RBM43: variants seen among roughly 807,000 people sequenced by gnomAD.
RBM43 encodes the protein RNA-binding protein 43.
Under a neutral mutation model 12.4 loss-of-function variants are expected in RBM43, and 12 were observed. The observed-to-expected ratio is 0.97, with a 90% CI of 0.62 to 1.57. The LOEUF (loss-of-function observed/expected upper bound fraction) is 1.57. Among genes scored for constraint, RBM43 ranks in the 40% most tolerant of loss-of-function variants. The pLI is 0.00. For synonymous variants in RBM43, 138 were observed against 145.7 expected (o/e 0.95, Z 0.38); for missense variants, 348 against 400.1 (o/e 0.87, Z 1.11).
intron 1 of RBM43, 146 bp downstream of exon 1, chr2:151,261,579 G>A (rs1683047569): frequency 6.5e-7 from 1 of 1,539,426 alleles, no homozygotes; most frequent in African/African-American, 1.4e-5. Context: ...GGCCCCCGGG[G>A]TCCCTGGGGC....
In RBM43 at chr2:151,250,624, G is replaced by T. The variant is rs1682886245; in HGVS notation, c.*282C>A. ...AAAAAAAAAAAAAAAAAAGTTTGGTGAGTTTTTTTCAAAGTTTTATTCCTT... is the reference window on the plus strand; with the variant it reads ...AAAAAAAAAAAAAAAAAAGTTTGGTTAGTTTTTTTCAAAGTTTTATTCCTT... On this transcript the variant is annotated 3_prime_UTR_variant, in exon 4 of 4. Coordinates refer to ENST00000331426, the MANE Select transcript of RBM43 (RefSeq NM_198557.3). 3 of 243,496 alleles carry T rather than the reference G, an allele frequency of 1.2e-5. No individual in the cohort carries two copies. Among genetic ancestry groups the T allele is most frequent in the Non-Finnish European group, 2.3e-5 (3 of 129,060 alleles). 15.1% of individuals were successfully genotyped at this position (243,496 alleles called of 1,614,324 possible). A position where few individuals can be genotyped will look rare whatever the true frequency, so the allele number is the denominator to read the frequency against.
intron 1 of RBM43, among the ~76,000 whole-genome samples, chr2:151,258,964 G>A (rs1325642891): frequency 6.6e-6 from 1 of 152,084 alleles, no homozygotes; most frequent in Non-Finnish European, 1.5e-5. Flanking sequence ...CCAACATGGT[G>A]AAACCCCAAC....
At chr2:151,261,473 G>A (rs756583361) in intron 1 of RBM43, 1 of 1,550,462 alleles carries the variant, frequency 6.4e-7, no homozygotes, top group African/African-American at 1.4e-5. Flanking sequence ...ATACTGCACC[G>A]CCGTACGTGA....
At chr2:151,261,351 G>A (rs1322615977) in intron 1 of RBM43, 5 of 1,550,502 alleles carry the variant, frequency 3.2e-6, no homozygotes, top group East Asian at 2.4e-5. Context: ...GAGGACAACA[G>A]TTAAGCCCTA....
chr2:151,252,807 G>C lies in RBM43; in HGVS notation c.263C>G (p.Thr88Ser), dbSNP rs751579858. Residue 88 changes from threonine to serine, a missense_variant, in exon 3 of 4, where the codon ACT becomes AGT. Transcript: ENST00000331426. Reference sequence around the variant, plus strand: ...AGAGACTGTGAGTTCAGCATGTCTAGTCTTCCTTGCTAGCCAGTGTTTCTT... The same window carrying C: ...AGAGACTGTGAGTTCAGCATGTCTACTCTTCCTTGCTAGCCAGTGTTTCTT... ...RQKKHWLARK[T>S]RHAELTVSLR... 1.2e-6 allele frequency: 2 copies of C among 1,612,222 alleles called. No homozygotes were observed. Among genetic ancestry groups the C allele is most frequent in the African/African-American group, 2.7e-5 (2 of 75,020 alleles).
At chr2:151,261,598 G>A in intron 1 of RBM43, 127 bp downstream of exon 1, 2 of 1,536,956 alleles carry the variant, frequency 1.3e-6, no homozygotes, top group Non-Finnish European at 1.8e-6. Context: ...GCCCCTCCGT[G>A]CGCCGCCCCC....
chr2:151,258,163 G>A (rs1682998148), intron 1 of RBM43, among the ~76,000 whole-genome samples: 1 of 151,928 alleles, frequency 6.6e-6, no homozygotes, highest in African/African-American at 2.4e-5. Flanking sequence ...ATATGCAAAA[G>A]GGGGTTATAG....
chr2:151,256,263 C>G (rs181411212), intron 1 of RBM43, among the ~76,000 whole-genome samples: 170 of 152,100 alleles, frequency 1.1e-3, no homozygotes, highest in African/African-American at 3.5e-3. Flanking sequence ...GCCCAGCCAC[C>G]CTTTTTTTCA....
intron 1 of RBM43, among the ~76,000 whole-genome samples, chr2:151,257,693 C>CA (rs979097552): frequency 2.3e-4 from 35 of 151,472 alleles, no homozygotes; most frequent in African/African-American, 6.1e-4. Flanking sequence ...AACTCCTTCA[C>CA]AAAAAAAAGA....
At chr2:151,257,843 G>T (rs1682994374) in intron 1 of RBM43, among the ~76,000 whole-genome samples, 1 of 152,214 alleles carries the variant, frequency 6.6e-6, no homozygotes, top group Non-Finnish European at 1.5e-5. Flanking sequence ...GCCAAGGCTG[G>T]TGGATCACCT....
rs1319408855 is a variant in RBM43, at chr2:151,250,939, C to T, written c.1041G>A (p.Gly347=). The T allele has an allele frequency of 6.3e-7, 1 of 1,598,646 alleles. No individual in the cohort carries two copies. Among genetic ancestry groups the T allele is most frequent in the Non-Finnish European group, 8.5e-7 (1 of 1,172,552 alleles). The change falls in exon 4 of 4, where the codon GGG becomes GGA. Residue 347 remains glycine (G), a synonymous_variant. Transcript: ENST00000331426. ...CCTTTTGCCCTATTAATTTCATGAC[C>T]CCTTTTTTAAACAGGTAAGTGTCAG... ...SSSDTYLFKK[G]VMKLIGQKVS
intron 1 of RBM43, among the ~76,000 whole-genome samples, chr2:151,259,045 A>G (rs1282233394): frequency 2.6e-5 from 4 of 151,712 alleles, no homozygotes; most frequent in Non-Finnish European, 5.9e-5. Flanking sequence ...TGGGAGGCTG[A>G]GGCAGGAGAA....
chr2:151,251,429 T>G lies in RBM43; in HGVS notation c.551A>C (p.Glu184Ala). The stretch of plus-strand genomic sequence containing the variant: ...GGGATTTTGTCTATTCCACTTTCTC[T>G]CCTCACTGGTAAAATTTCTGTCTTT... The part of the protein sequence containing the change: ...LEKDRNFTSE[E>A]RKWNRQNPQR... Residue 184 changes from glutamate (E) to alanine (A), a missense_variant, in exon 4 of 4, where the codon GAG becomes GCG. Coordinates refer to ENST00000331426, the MANE Select transcript of RBM43 (RefSeq NM_198557.3). 1 of 1,614,196 alleles carries G rather than the reference T, an allele frequency of 6.2e-7. No homozygotes were observed. The highest frequency in any genetic ancestry group is 8.5e-7 in the Non-Finnish European group (1 of 1,180,018).
Position 151,249,292 on chromosome 2 carries a change from T to C in RBM43, c.*1614A>G, listed in dbSNP as rs1396478313. 1 of 152,094 alleles carries C rather than the reference T, an allele frequency of 6.6e-6. No individual in the cohort carries two copies. The highest frequency in any genetic ancestry group is 1.9e-4 in the East Asian group (1 of 5,194). 9.4% of individuals were successfully genotyped at this position (152,094 alleles called of 1,614,324 possible). ...TTTTGAGAAGAAAGAATTTCAATTC[T>C]AGGTGATCTTTAGTATGTCCAACAA... On this transcript the variant is annotated 3_prime_UTR_variant, in exon 4 of 4. Coordinates refer to ENST00000331426, the MANE Select transcript of RBM43 (RefSeq NM_198557.3).
In RBM43 at chr2:151,255,664, C is replaced by A. The variant is rs1682963454; in HGVS notation, c.83G>T (p.Ser28Ile). The A allele has an allele frequency of 6.2e-7, 1 of 1,613,772 alleles. No individual in the cohort carries two copies. The highest frequency in any genetic ancestry group is 1.3e-5 in the African/African-American group (1 of 74,880). Residue 28 changes from serine to isoleucine, a missense_variant, in exon 2 of 4, where the codon AGT becomes ATT. Ser to Ile is a moderately radical substitution (Grantham distance 142). Coordinates refer to ENST00000331426, the MANE Select transcript of RBM43 (RefSeq NM_198557.3). ...VVAGLPVDLF[S>I]DQLLAVLVKS... is the part of the protein sequence containing the mutation. ...CACTAATACGGCCAATAATTGATCACTAAAAAGGTCAACTGGAAGACCAGC... is the reference window on the plus strand; with the variant it reads ...CACTAATACGGCCAATAATTGATCAATAAAAAGGTCAACTGGAAGACCAGC...
rs1682856677 is a variant in RBM43 at position 151,249,024 on chromosome 2, A to G, written c.*1882T>C. On this transcript the variant is annotated 3_prime_UTR_variant, in exon 4 of 4. Transcript: ENST00000331426. ...AAGACCTCTCCCTAATCATATCCCA[A>G]ATAAAACAGAACTCGAACCATATCT... 6.6e-6 allele frequency: 1 copy of G among 152,134 alleles called. No homozygotes were observed. Among genetic ancestry groups the G allele is most frequent in the Non-Finnish European group, 1.5e-5 (1 of 68,042 alleles). 9.4% of individuals were successfully genotyped at this position (152,134 alleles called of 1,614,324 possible). A position where few individuals can be genotyped will look rare whatever the true frequency, so the allele number is the denominator to read the frequency against.
At chr2:151,253,985 C>A (rs1682942079) in intron 2 of RBM43, among the ~76,000 whole-genome samples, 2 of 152,168 alleles carry the variant, frequency 1.3e-5, no homozygotes, top group Non-Finnish European at 2.9e-5. Context: ...CCTTCCTATT[C>A]ATCTAAAACA....
chr2:151,253,858 C>T (rs974886866), intron 2 of RBM43, among the ~76,000 whole-genome samples: 26 of 152,254 alleles, frequency 1.7e-4, no homozygotes, highest in Middle Eastern at 3.4e-3. Context: ...ACACACCCAG[C>T]ATGCTCCCCA....
chr2:151,248,500 C>T lies in RBM43; in HGVS notation c.*2406G>A, dbSNP rs1333372398. 1 of 151,976 alleles carries T rather than the reference C, an allele frequency of 6.6e-6. No individual in the cohort carries two copies. The highest frequency in any genetic ancestry group is 6.6e-5 in the Admixed American group (1 of 15,248). 9.4% of individuals were successfully genotyped at this position (151,976 alleles called of 1,614,324 possible). A position where few individuals can be genotyped will look rare whatever the true frequency, so the allele number is the denominator to read the frequency against. On this transcript the variant is annotated 3_prime_UTR_variant, in exon 4 of 4. Transcript: ENST00000331426. The stretch of plus-strand genomic sequence containing the variant: ...GGTCTAGAAAAGAAAGTTTCAGCCA[C>T]CTTTGAGACAGTATTTTTTAACAAG...
Sources: allele counts gnomAD v4.1 joint callset (sites outside exome capture counted in the v4.1 genomes callset), GRCh38; gene constraint gnomAD v4.1.1; transcripts MANE v1.5; gene names NCBI Gene and HGNC (gene_info 2026-07-23, HGNC 2026-07-21).